The following STK3 variants were observed in gnomAD, a reference collection of about 807,000 sequenced individuals.
The protein encoded by STK3 is serine/threonine kinase 3.
In STK3, 41 loss-of-function variants were observed where a neutral mutation model predicts 58.0. The ratio of observed to expected loss-of-function variants is 0.71; its 90% CI spans 0.55 to 0.92. STK3 has a LOEUF of 0.92. STK3 is among the 40% of genes least tolerant of loss of function. The pLI, the probability that STK3 is intolerant of heterozygous loss-of-function variation, is 0.00. For synonymous variants in STK3, 170 were observed against 191.0 expected (o/e 0.89, Z 0.91); for missense variants, 479 against 602.7 (o/e 0.79, Z 2.15).
chr8:98,364,617 A>G, the STK3 span, among the ~76,000 whole-genome samples: 2 of 152,214 alleles, frequency 1.3e-5, no homozygotes, highest in African/African-American at 4.8e-5. Context: ...GCTTAGTGCC[A>G]GGACTTGGAT....
chr8:98,349,716 G>A, the STK3 span, among the ~76,000 whole-genome samples: 1 of 152,188 alleles, frequency 6.6e-6, no homozygotes, highest in African/African-American at 2.4e-5. Flanking sequence ...TGTACCTGCA[G>A]GCTCAACACC....
At chr8:98,392,338 C>T (rs1191503316), upstream of STK3, among the ~76,000 whole-genome samples, 2 of 152,138 alleles carry the variant, frequency 1.3e-5, no homozygotes, top group African/African-American at 4.8e-5. Context: ...ACACCTCTTT[C>T]CATATTTCAT....
At chr8:98,833,272 T>C (rs1835607853) in intron 3 of STK3, among the ~76,000 whole-genome samples, 1 of 152,036 alleles carries the variant, frequency 6.6e-6, no homozygotes, top group African/African-American at 2.4e-5. Context: ...GACAATTGGT[T>C]GAAAGAGTTA....
intron 1 of STK3, among the ~76,000 whole-genome samples, chr8:98,809,748 A>G (rs560381035): frequency 6.6e-6 from 1 of 152,368 alleles, no homozygotes; most frequent in South Asian, 2.1e-4. Flanking sequence ...GCTGGTGGAC[A>G]CGTGAGTTGC....
chr8:98,444,003 T>C (rs1014972227), intron 1 of STK3, among the ~76,000 whole-genome samples: 1 of 152,246 alleles, frequency 6.6e-6, no homozygotes, highest in Non-Finnish European at 1.5e-5. Context: ...ATTTTACCTA[T>C]GGTTCCTCCA....
chr8:98,864,530 T>C (rs1837061828), intron 3 of STK3, among the ~76,000 whole-genome samples: 1 of 152,236 alleles, frequency 6.6e-6, no homozygotes, highest in African/African-American at 2.4e-5. Context: ...ACTAGATTCC[T>C]GAGTACTTCC....
intron 3 of STK3, among the ~76,000 whole-genome samples, chr8:98,832,244 G>GAAAAA (rs756031604): frequency 1.0e-4 from 13 of 125,810 alleles, no homozygotes; most frequent in African/African-American, 3.4e-4. Flanking sequence ...TCCTTTTCGT[G>GAAAAA]AAAAAAAAAA....
intron 1 of STK3, among the ~76,000 whole-genome samples, chr8:98,798,281 CTA>C (rs1473032112): frequency 6.6e-6 from 1 of 152,168 alleles, no homozygotes; most frequent in African/African-American, 2.4e-5. Context: ...CGAGAATTTT[CTA>C]TATTTCTATA....
intron 4 of STK3, among the ~76,000 whole-genome samples, chr8:98,712,853 A>G (rs1414088701): frequency 6.6e-6 from 1 of 152,110 alleles, no homozygotes; most frequent in Non-Finnish European, 1.5e-5. Flanking sequence ...ACCACACCAC[A>G]CCTATTACAA....
chr8:98,656,508 A>G (rs1280903573), intron 6 of STK3, among the ~76,000 whole-genome samples: 1 of 151,928 alleles, frequency 6.6e-6, no homozygotes, highest in Non-Finnish European at 1.5e-5. Context: ...TTCCTTTTTT[A>G]TATACTTTAT....
At chr8:98,377,490 T>C (rs1049530919) in intron 2 of STK3, among the ~76,000 whole-genome samples, 3 of 151,880 alleles carry the variant, frequency 2.0e-5, no homozygotes, top group East Asian at 3.9e-4. Context: ...TGAATTATTA[T>C]TATAATATTA....
intron 6 of STK3, among the ~76,000 whole-genome samples, chr8:98,662,549 G>A (rs1051740223): frequency 6.6e-6 from 1 of 152,052 alleles, no homozygotes; most frequent in African/African-American, 2.4e-5. Flanking sequence ...GTGAAAATGA[G>A]TTTTTTAAAA....
intron 6 of STK3, among the ~76,000 whole-genome samples, chr8:98,612,757 T>G (rs1051497626): frequency 5.9e-5 from 9 of 152,154 alleles, no homozygotes; most frequent in African/African-American, 2.2e-4. Flanking sequence ...GAAAAAACTG[T>G]AGTCCCACTC....
chr8:98,763,674 CTTTTTT>C (rs149856522), intron 3 of STK3, among the ~76,000 whole-genome samples: 1 of 148,444 alleles, frequency 6.7e-6, no homozygotes, highest in Non-Finnish European at 1.5e-5. Flanking sequence ...TTTTCTTTTT[CTTTTTT>C]TTTTCTTTTT....
chr8:98,569,318 G>C (rs139378287), intron 8 of STK3, among the ~76,000 whole-genome samples: 23 of 151,972 alleles, frequency 1.5e-4, no homozygotes, highest in African/African-American at 5.5e-4. Context: ...AAACAAGAAA[G>C]ACAGAAGACA....
intron 3 of STK3, among the ~76,000 whole-genome samples, chr8:98,846,103 T>A (rs1040391246): frequency 6.6e-6 from 1 of 152,176 alleles, no homozygotes; most frequent in African/African-American, 2.4e-5. Flanking sequence ...CCCATAACCC[T>A]CTTCCAAATC....
At chr8:98,791,583 A>G (rs559545109) in intron 1 of STK3, among the ~76,000 whole-genome samples, 1 of 152,376 alleles carries the variant, frequency 6.6e-6, no homozygotes, top group South Asian at 2.1e-4. Context: ...CTCTAAGGCC[A>G]CAGTCACCAA....
chr8:98,409,348 C>T (rs967131664), intron 3 of STK3, among the ~76,000 whole-genome samples: 1 of 152,340 alleles, frequency 6.6e-6, no homozygotes, highest in South Asian at 2.1e-4. Context: ...ATAACAGCAG[C>T]CCCTCTGGCT....
At chr8:98,655,770 T>C (rs576926305) in intron 6 of STK3, among the ~76,000 whole-genome samples, 4,801 of 151,938 alleles carry the variant, frequency 0.032, 97 homozygotes, top group South Asian at 0.06. Context: ...GAAATGCAAA[T>C]CAAAACCACA....
Sources: gnomAD v4.1 joint callset for allele counts (sites outside exome capture counted in the v4.1 genomes callset) on GRCh38, gnomAD v4.1.1 for gene constraint, MANE v1.5 for transcripts, NCBI Gene and HGNC (gene_info 2026-07-23, HGNC 2026-07-21) for gene names.